Variants in CAP2 observed in about 807,000 individuals in gnomAD.
CAP2 encodes the protein adenylyl cyclase-associated protein 2.
CAP2 carries 24 observed loss-of-function variants against 57.7 expected under a neutral mutation model. That is an observed-to-expected ratio of 0.42 (90% CI 0.30 to 0.58). The LOEUF is 0.58. CAP2 is among the 20% of genes least tolerant of loss of function. CAP2 has a pLI of 0.22. For missense variants in CAP2, 501 were observed against 590.3 expected (o/e 0.85, Z 1.57); for synonymous variants, 194 against 207.2 (o/e 0.94, Z 0.55).
In CAP2 at chr6:17,462,990, TC is replaced by T. The variant is rs770962271; in HGVS notation, c.223-3del. Reference sequence around the variant, plus strand: ...TTGAAACTGCCATCTTCCTCTTTGTTCCCAGGCAGAAATGGTGCACAGTGCT... The same window carrying T: ...TTGAAACTGCCATCTTCCTCTTTGTTCCAGGCAGAAATGGTGCACAGTGCT... On this transcript the variant is annotated splice_polypyrimidine_tract_variant and splice_region_variant and intron_variant, in intron 3 of 12. Transcript: ENST00000229922. The T allele has an allele frequency of 6.2e-7, 1 of 1,613,538 alleles. No individual in the cohort carries two copies. Among genetic ancestry groups the T allele is most frequent in the South Asian group, 1.1e-5 (1 of 91,048 alleles).
intron 1 of CAP2, among the ~76,000 whole-genome samples, chr6:17,395,057 A>C (rs1229238651): frequency 6.6e-6 from 1 of 152,204 alleles, no homozygotes; most frequent in African/African-American, 2.4e-5. Flanking sequence ...GTGTCATATA[A>C]ATACTTCTTA....
intron 3 of CAP2, among the ~76,000 whole-genome samples, chr6:17,443,352 T>C (rs1276015529): frequency 6.6e-6 from 1 of 152,224 alleles, no homozygotes; most frequent in African/African-American, 2.4e-5. Context: ...GTCTTGCCTC[T>C]TGCCTTGACG....
At chr6:17,510,842 C>A (rs1474575070) in intron 6 of CAP2, among the ~76,000 whole-genome samples, 1 of 152,176 alleles carries the variant, frequency 6.6e-6, no homozygotes, top group Non-Finnish European at 1.5e-5. Context: ...TTTTTACCTT[C>A]CACCCTTGGA....
Position 17,543,141 on chromosome 6 carries a change from C to G in CAP2, c.1207C>G (p.Gln403Glu), listed in dbSNP as rs1392901893. The part of the protein sequence containing the change: ...EVINSQDIQI[Q>E]VMGRVPTISI... Reference sequence around the variant, plus strand: ...GATCAACTCCCAGGACATTCAAATCCAGGTAAGCAGAGCCTTTCCAACCAT... The same window carrying G: ...GATCAACTCCCAGGACATTCAAATCGAGGTAAGCAGAGCCTTTCCAACCAT... Residue 403 changes from glutamine (Q) to glutamate (E), a missense_variant and splice_region_variant, in exon 11 of 13, where the codon CAG (glutamine) becomes GAG (glutamate). Physicochemically the swap from Gln to Glu is conservative, Grantham distance 29. Transcript: ENST00000229922. The G allele has an allele frequency of 1.7e-5, 28 of 1,612,032 alleles. No individual in the cohort carries two copies. The highest frequency in any genetic ancestry group is 3.3e-5 in the Admixed American group (2 of 60,002).
intron 7 of CAP2, among the ~76,000 whole-genome samples, chr6:17,526,359 C>G (rs149460064): frequency 0.034 from 5,174 of 152,028 alleles, 310 homozygotes; most frequent in African/African-American, 0.12. Context: ...CTCAGGTGAT[C>G]CAACCTTCTG....
chr6:17,436,045 C>G (rs565617657), intron 3 of CAP2, among the ~76,000 whole-genome samples: 48 of 151,986 alleles, frequency 3.2e-4, no homozygotes, highest in Middle Eastern at 3.2e-3. Context: ...AACTCTTAAT[C>G]TTGGCATGGT....
At position 17,426,664 on chromosome 6, in the gene CAP2, A is replaced by G; in HGVS notation, c.196A>G (p.Ile66Val). 1 of 1,613,836 alleles carries G rather than the reference A, an allele frequency of 6.2e-7. No homozygotes were observed. Among genetic ancestry groups the G allele is most frequent in the Non-Finnish European group, 8.5e-7 (1 of 1,179,780 alleles). Residue 66 changes from isoleucine (I) to valine (V), a missense_variant, in exon 3 of 13, where the codon ATC becomes GTC. Ile to Val is a conservative substitution (Grantham distance 29). Coordinates refer to ENST00000229922, the MANE Select transcript of CAP2 (RefSeq NM_006366.3). ...MVAEFLKNSR[I>V]LAGDVETHAE... The stretch of plus-strand genomic sequence containing the variant: ...GGCCGAGTTTTTAAAGAACAGTAGG[A>G]TCCTTGCTGGGGACGTGGAGACCCA...
chr6:17,406,839 G>C (rs1758992277), intron 1 of CAP2, among the ~76,000 whole-genome samples: 1 of 151,966 alleles, frequency 6.6e-6, no homozygotes, highest in African/African-American at 2.4e-5. Flanking sequence ...TATTAGCCAG[G>C]GCCCCCTTTC....
At chr6:17,463,698 C>G (rs10949425) in intron 4 of CAP2, among the ~76,000 whole-genome samples, 94,794 of 152,014 alleles carry the variant, frequency 0.62, 30,659 homozygotes, top group East Asian at 0.86. Context: ...TAAGCTCCTG[C>G]GTGATGCCCA....
intron 1 of CAP2, among the ~76,000 whole-genome samples, chr6:17,399,780 A>G (rs892958290): frequency 1.3e-5 from 2 of 152,214 alleles, no homozygotes; most frequent in South Asian, 4.1e-4. Context: ...AGTCTGATCT[A>G]AAATCTCTTT....
intron 1 of CAP2, among the ~76,000 whole-genome samples, chr6:17,411,923 C>T (rs1759151032): frequency 6.6e-6 from 1 of 152,152 alleles, no homozygotes; most frequent in Non-Finnish European, 1.5e-5. Context: ...TGCATAGGTG[C>T]TTAGAAAGGG....
intron 3 of CAP2, among the ~76,000 whole-genome samples, chr6:17,442,644 T>G (rs1049631917): frequency 1.3e-5 from 2 of 152,050 alleles, no homozygotes; most frequent in Non-Finnish European, 2.9e-5. Context: ...TCCCAGCATT[T>G]TTAGAGGCCA....
intron 1 of CAP2, among the ~76,000 whole-genome samples, chr6:17,403,263 G>A (rs532583080): frequency 7.4e-4 from 113 of 152,198 alleles, no homozygotes; most frequent in African/African-American, 2.6e-3. Flanking sequence ...CACCATGCCC[G>A]GCTAATTTTT....
chr6:17,533,912 C>T (rs1232631341), intron 7 of CAP2, among the ~76,000 whole-genome samples: 3 of 152,126 alleles, frequency 2.0e-5, no homozygotes, highest in Admixed American at 6.6e-5. Context: ...TCCAATAGAA[C>T]GTACTTTTTC....
intron 6 of CAP2, among the ~76,000 whole-genome samples, chr6:17,512,550 C>A (rs978936642): frequency 2.0e-5 from 3 of 152,132 alleles, no homozygotes; most frequent in African/African-American, 4.8e-5. Flanking sequence ...CTAATAATAG[C>A]TATGTGTATA....
intron 1 of CAP2, among the ~76,000 whole-genome samples, chr6:17,394,169 G>A (rs371414021): frequency 6.6e-6 from 1 of 151,502 alleles, no homozygotes; most frequent in East Asian, 2.0e-4. Context: ...CCAGGGGGGT[G>A]GGGGTGGGAG....
rs765705086 is a variant in CAP2, at chr6:17,463,011, A to G, written c.238A>G (p.Ser80Gly). 1.4e-5 allele frequency: 22 copies of G among 1,614,110 alleles called. No homozygotes were observed. In the South Asian group the frequency reaches 2.4e-4, roughly 18 times the overall value. Residue 80 changes from serine (S) to glycine (G), a missense_variant, in exon 4 of 13, where the codon AGT becomes GGT. Transcript: ENST00000229922. ...DVETHAEMVH[S>G]AFQAQRAFLL... is the part of the protein sequence containing the mutation. The stretch of plus-strand genomic sequence containing the variant: ...TTGTTCCCAGGCAGAAATGGTGCAC[A>G]GTGCTTTCCAGGCCCAGCGGGCTTT...
At chr6:17,539,568 A>T in intron 8 of CAP2, 110 bp downstream of exon 8, 4 of 791,200 alleles carry the variant, frequency 5.1e-6, no homozygotes, top group Non-Finnish European at 8.0e-6. Flanking sequence ...CCCTGCCTCC[A>T]GCATGCAGGG....
chr6:17,437,875 C>T (rs1418063908), intron 3 of CAP2, among the ~76,000 whole-genome samples: 2 of 151,906 alleles, frequency 1.3e-5, no homozygotes, highest in African/African-American at 2.4e-5. Context: ...AGCACGACTC[C>T]GTCTCAAAGA....
Sources: allele counts gnomAD v4.1 joint callset (sites outside exome capture counted in the v4.1 genomes callset), GRCh38; gene constraint gnomAD v4.1.1; transcripts MANE v1.5; gene names NCBI Gene and HGNC (gene_info 2026-07-23, HGNC 2026-07-21).